NRXN1: variants seen among roughly 807,000 people sequenced by gnomAD.
NRXN1 encodes neurexin-1.
NRXN1 carries 39 observed loss-of-function variants against 150.9 expected under a neutral mutation model. The ratio of observed to expected loss-of-function variants is 0.26; its 90% CI spans 0.20 to 0.34. The LOEUF (loss-of-function observed/expected upper bound fraction) is 0.34. Ranked by LOEUF, NRXN1 falls within the 10% of genes least tolerant of loss-of-function variation. The pLI is 1.00. For synonymous variants in NRXN1, 924 were observed against 757.0 expected (o/e 1.22, Z -3.62); for missense variants, 1,815 against 1,949.9 (o/e 0.93, Z 1.30).
intron 21 of NRXN1, among the ~76,000 whole-genome samples, chr2:49,965,372 T>G (rs1676778472): frequency 6.6e-6 from 1 of 152,036 alleles, no homozygotes; most frequent in Admixed American, 6.6e-5. Context: ...GTTCAAACAA[T>G]TATCTTGCCT....
intron 5 of NRXN1, among the ~76,000 whole-genome samples, chr2:50,749,728 T>A (rs1700379552): frequency 6.6e-6 from 1 of 152,100 alleles, no homozygotes; most frequent in South Asian, 2.1e-4. Context: ...GGCAGAATTA[T>A]AATATTTAAG....
intron 18 of NRXN1, among the ~76,000 whole-genome samples, chr2:50,192,976 C>T (rs2061542668): frequency 6.6e-6 from 1 of 152,112 alleles, no homozygotes; most frequent in African/African-American, 2.4e-5. Context: ...TTCTGGGCTA[C>T]TGTTGTGTAT....
chr2:50,004,695 C>T (rs1684482899), intron 21 of NRXN1, among the ~76,000 whole-genome samples: 3 of 152,148 alleles, frequency 2.0e-5, no homozygotes, highest in African/African-American at 7.2e-5. Context: ...AATTAATACA[C>T]ACTAGTTGTG....
chr2:51,004,507 A>C (rs1275696449), intron 2 of NRXN1, among the ~76,000 whole-genome samples: 1 of 151,956 alleles, frequency 6.6e-6, no homozygotes, highest in African/African-American at 2.4e-5. Flanking sequence ...GTAACTTTAA[A>C]GTACGTGGTT....
rs71404946 is a variant in NRXN1, at chr2:50,354,554, CATATATATATATATATAT to C, written c.3364+110870_3364+110887del. ...ACTACCTTAGCGTCTAGAGTGCATA[CATATATATATATATATAT>C]ATATATATATATATACACACACACA... On this transcript the variant is annotated intron_variant, in intron 17 of 22. Coordinates refer to ENST00000401669, the MANE Select transcript of NRXN1 (RefSeq NM_001330078.2). Among the ~76,000 whole-genome samples the C allele has an allele frequency of 3.1e-3, 314 of 100,118 alleles. 4 individuals are homozygous for C. Among genetic ancestry groups the C allele is most frequent in the African/African-American group, 0.01 (261 of 25,248 alleles). 65.7% of individuals were successfully genotyped at this position (100,118 alleles called of 152,430 possible).
chr2:50,192,807 G>A (rs1026739833), intron 18 of NRXN1, among the ~76,000 whole-genome samples: 13 of 152,056 alleles, frequency 8.5e-5, no homozygotes, highest in Non-Finnish European at 8.8e-5. Flanking sequence ...ACAAGGTTTC[G>A]CCATGTTGGC....
intron 12 of NRXN1, among the ~76,000 whole-genome samples, chr2:50,523,723 A>T (rs908724112): frequency 6.6e-6 from 1 of 152,220 alleles, no homozygotes; most frequent in South Asian, 2.1e-4. Context: ...TTTCAAAAAT[A>T]TACTATGTGA....
chr2:50,597,780 ATGAG>A (rs1486145623), intron 8 of NRXN1, among the ~76,000 whole-genome samples: 2 of 152,204 alleles, frequency 1.3e-5, no homozygotes, highest in South Asian at 2.1e-4. Context: ...AAGCAAATAA[ATGAG>A]TGAGTCTAAA....
intron 2 of NRXN1, among the ~76,000 whole-genome samples, chr2:50,939,294 T>A (rs1689044575): frequency 6.6e-6 from 1 of 151,304 alleles, no homozygotes; most frequent in African/African-American, 2.4e-5. Flanking sequence ...TTAGAAATCA[T>A]ATTTTTTGGA....
intron 17 of NRXN1, among the ~76,000 whole-genome samples, chr2:50,382,761 T>C (rs1181270725): frequency 6.6e-6 from 1 of 152,140 alleles, no homozygotes; most frequent in Non-Finnish European, 1.5e-5. Flanking sequence ...GAGAAGAGAT[T>C]AGCGAGTGGG....
intron 5 of NRXN1, among the ~76,000 whole-genome samples, chr2:50,871,412 A>G (rs1279732913): frequency 1.3e-5 from 2 of 151,904 alleles, no homozygotes; most frequent in Non-Finnish European, 2.9e-5. Flanking sequence ...TCAGATAAGC[A>G]GGATCTAACA....
At chr2:50,833,733 T>C (rs915295157) in intron 5 of NRXN1, among the ~76,000 whole-genome samples, 6 of 152,194 alleles carry the variant, frequency 3.9e-5, no homozygotes, top group Non-Finnish European at 8.8e-5. Context: ...GTGGTGGTTA[T>C]ACAAAACTGC....
intron 5 of NRXN1, among the ~76,000 whole-genome samples, chr2:50,887,241 C>A (rs969478757): frequency 2.0e-5 from 3 of 151,438 alleles, no homozygotes; most frequent in Non-Finnish European, 3.0e-5. Context: ...TTGCATCTCT[C>A]TTCTACTTGA....
At position 51,028,232 on chromosome 2, in the gene NRXN1, C is replaced by T; in HGVS notation, c.42G>A (p.Leu14=). Residue 14 remains leucine, a synonymous_variant, in exon 2 of 23, where the codon CTG becomes CTA. Transcript: ENST00000401669. ...ALLQRGGCFL[L]CLSLLLLGCW... is the part of the protein sequence containing the mutation. ...AGCCCAGGAGCAGCAGCGAGAGGCA[C>T]AGAAGAAAACAGCCCCCGCGCTGGA... is the stretch of plus-strand genomic sequence containing the variant. The T allele has an allele frequency of 1.4e-6, 2 of 1,471,094 alleles. No individual in the cohort carries two copies. Among genetic ancestry groups the T allele is most frequent in the Non-Finnish European group, 1.8e-6 (2 of 1,118,458 alleles). The allele number at this position is 1,471,094 out of a possible 1,614,324, so 91.1% of individuals were successfully genotyped here.
chr2:50,014,452 G>C (rs1686236954), intron 21 of NRXN1, among the ~76,000 whole-genome samples: 1 of 152,074 alleles, frequency 6.6e-6, no homozygotes, highest in Admixed American at 6.6e-5. Context: ...CCTGTGCACT[G>C]TATGATGGTT....
At chr2:50,883,763 C>A (rs1398146240) in intron 5 of NRXN1, among the ~76,000 whole-genome samples, 1 of 151,782 alleles carries the variant, frequency 6.6e-6, no homozygotes, top group Non-Finnish European at 1.5e-5. Context: ...TACTATACCA[C>A]AATGGCAATG....
intron 17 of NRXN1, among the ~76,000 whole-genome samples, chr2:50,460,408 G>T (rs1431482035): frequency 1.3e-5 from 2 of 152,112 alleles, no homozygotes; most frequent in East Asian, 3.9e-4. Context: ...CTGCTCAACA[G>T]TGCAAGGGAC....
intron 17 of NRXN1, among the ~76,000 whole-genome samples, chr2:50,278,951 A>G (rs1266247829): frequency 6.6e-6 from 1 of 152,198 alleles, no homozygotes; most frequent in Non-Finnish European, 1.5e-5. Flanking sequence ...CTAAAATAAA[A>G]ATGACATGCT....
chr2:50,742,603 G>A (rs1391370131), intron 5 of NRXN1, among the ~76,000 whole-genome samples: 7 of 132,622 alleles, frequency 5.3e-5, no homozygotes, highest in South Asian at 4.8e-4. Flanking sequence ...CGGAGACTCC[G>A]TCTCAAAAAA....
Sources: allele counts gnomAD v4.1 joint callset (sites outside exome capture counted in the v4.1 genomes callset), GRCh38; gene constraint gnomAD v4.1.1; transcripts MANE v1.5; gene names NCBI Gene and HGNC (gene_info 2026-07-23, HGNC 2026-07-21).